The following PLEKHF2 variants were observed in gnomAD, a reference collection of about 807,000 sequenced individuals.
PLEKHF2 encodes pleckstrin homology domain-containing family F member 2.
In PLEKHF2, 4 loss-of-function variants were observed where a neutral mutation model predicts 14.7. The ratio of observed to expected loss-of-function variants is 0.27; its 90% CI spans 0.13 to 0.62. PLEKHF2 has a LOEUF of 0.62. Ranked by LOEUF, PLEKHF2 falls within the 20% of genes least tolerant of loss-of-function variation. The pLI is 0.85. For synonymous variants in PLEKHF2, 90 were observed against 103.5 expected (o/e 0.87, Z 0.79); for missense variants, 201 against 307.7 (o/e 0.65, Z 2.60).
chr8:95,154,037 A>C lies in PLEKHF2; in HGVS notation c.-8A>C, dbSNP rs754445472. 2 of 1,543,228 alleles carry C rather than the reference A, an allele frequency of 1.3e-6. No homozygotes were observed. The highest frequency in any genetic ancestry group is 1.7e-6 in the Non-Finnish European group (2 of 1,146,202). ...TTTTTCTTTTTTTTAAAAGGCTATT[A>C]GTGAAAGATGGTGGATCGCTTGGCA... On this transcript the variant is annotated 5_prime_UTR_variant, in exon 2 of 2. Transcript: ENST00000315367. This position sits in a 1 kb window ranked among gnomAD's most constrained non-coding sequence, Gnocchi z 5.6.
In PLEKHF2 at chr8:95,155,027, T is replaced by C. The variant is rs1810601596; in HGVS notation, c.*233T>C. On this transcript the variant is annotated 3_prime_UTR_variant, in exon 2 of 2. Transcript: ENST00000315367. ...GCAAATATATCAGATAAATTTTTTG[T>C]TTCTTGTTTATTTTTAGGTTATTTT... 8.1e-6 allele frequency: 4 copies of C among 495,550 alleles called. No individual in the cohort carries two copies. In the South Asian group the frequency reaches 1.3e-4, roughly 16 times the overall value. 30.7% of individuals were successfully genotyped at this position (495,550 alleles called of 1,614,324 possible).
rs756082223 is a variant in PLEKHF2, at chr8:95,154,590, C to T, written c.546C>T (p.Val182=). 5 of 1,614,090 alleles carry T rather than the reference C, an allele frequency of 3.1e-6. No homozygotes were observed. The highest frequency in any genetic ancestry group is 4.2e-6 in the Non-Finnish European group (5 of 1,179,996). ...ATTGCCGCAAATGTGGTTTTGTTGT[C>T]TGTGGGCCCTGCTCTGAAAAGAGAT... ...RHHCRKCGFV[V]CGPCSEKRFL... is the part of the protein sequence containing the mutation. The change falls in exon 2 of 2, where the codon GTC becomes GTT. Residue 182 remains valine, a synonymous_variant. Coordinates refer to ENST00000315367, the MANE Select transcript of PLEKHF2 (RefSeq NM_024613.4). This position sits in a 1 kb window ranked among gnomAD's most constrained non-coding sequence, Gnocchi z 5.6.
intron 1 of PLEKHF2, among the ~76,000 whole-genome samples, chr8:95,144,026 A>C (rs1355696834): frequency 6.7e-6 from 1 of 149,404 alleles, no homozygotes; most frequent in Non-Finnish European, 1.5e-5. Context: ...TGTGTGTGTG[A>C]TTTTTTTTTT....
chr8:95,155,516 A>G lies in PLEKHF2; in HGVS notation c.*722A>G, dbSNP rs1810609233. 6.0e-6 allele frequency: 1 copy of G among 167,036 alleles called. No individual in the cohort carries two copies. The highest frequency in any genetic ancestry group is 1.5e-5 in the Non-Finnish European group (1 of 68,116). 10.3% of individuals were successfully genotyped at this position (167,036 alleles called of 1,614,324 possible). ...TTGTGATTATATTTTTGTTTTATAT[A>G]GGTCCCAAATTATAATTGTCAAATA... is the stretch of plus-strand genomic sequence containing the variant. On this transcript the variant is annotated 3_prime_UTR_variant, in exon 2 of 2. Transcript: ENST00000315367.
At chr8:95,140,932 G>A (rs936620919) in intron 1 of PLEKHF2, among the ~76,000 whole-genome samples, 2 of 152,026 alleles carry the variant, frequency 1.3e-5, no homozygotes, top group Non-Finnish European at 2.9e-5. Context: ...CCCCTTCCTT[G>A]TTTTGTTTTT....
chr8:95,147,878 C>A (rs1810516183), intron 1 of PLEKHF2, among the ~76,000 whole-genome samples: 1 of 151,714 alleles, frequency 6.6e-6, no homozygotes, highest in Non-Finnish European at 1.5e-5. Flanking sequence ...AGAAAAAAGG[C>A]AAAGGAAGAC....
At chr8:95,144,575 TA>T (rs1012777303) in intron 1 of PLEKHF2, among the ~76,000 whole-genome samples, 2 of 151,762 alleles carry the variant, frequency 1.3e-5, no homozygotes, top group African/African-American at 2.4e-5. Context: ...AATATGCATT[TA>T]AAAAAAATGG....
intron 1 of PLEKHF2, among the ~76,000 whole-genome samples, chr8:95,145,146 A>G (rs1396242832): frequency 1.3e-5 from 2 of 152,158 alleles, no homozygotes; most frequent in African/African-American, 2.4e-5. Context: ...AGAGATTTAA[A>G]GGAAAAAAAA....
intron 1 of PLEKHF2, among the ~76,000 whole-genome samples, chr8:95,136,595 G>A (rs1810378966): frequency 6.6e-6 from 1 of 152,152 alleles, no homozygotes; most frequent in Non-Finnish European, 1.5e-5. Flanking sequence ...GTTAATGCTT[G>A]AAAAATTTAA....
At chr8:95,147,659 A>G (rs1810513401) in intron 1 of PLEKHF2, among the ~76,000 whole-genome samples, 2 of 151,980 alleles carry the variant, frequency 1.3e-5, no homozygotes, top group Non-Finnish European at 2.9e-5. Context: ...ATTTCCCCCA[A>G]TTATGCCAAA....
intron 1 of PLEKHF2, among the ~76,000 whole-genome samples, chr8:95,147,288 C>G (rs902582378): frequency 6.6e-6 from 1 of 151,978 alleles, no homozygotes; most frequent in Non-Finnish European, 1.5e-5. Context: ...ATACCCCAGA[C>G]CAATAAAATT....
intron 1 of PLEKHF2, among the ~76,000 whole-genome samples, chr8:95,145,615 G>A (rs1340306560): frequency 1.3e-5 from 2 of 151,864 alleles, no homozygotes; most frequent in East Asian, 1.9e-4. Flanking sequence ...TAGTAGAGAC[G>A]GGGTTTCACC....
intron 1 of PLEKHF2, among the ~76,000 whole-genome samples, chr8:95,144,130 G>A (rs897651959): frequency 1.3e-5 from 2 of 152,032 alleles, no homozygotes; most frequent in African/African-American, 4.8e-5. Context: ...ACCCAGGGAA[G>A]CCAAAAGATG....
chr8:95,156,191 T>C lies in PLEKHF2; in HGVS notation c.*1397T>C, dbSNP rs924060868. On this transcript the variant is annotated 3_prime_UTR_variant, in exon 2 of 2. Coordinates refer to ENST00000315367, the MANE Select transcript of PLEKHF2 (RefSeq NM_024613.4). Reference sequence around the variant, plus strand: ...GCAAACAACTACAGTCTTTGAAATATGGAAAATCAGCAGTCTAAAGTTTGT... The same window carrying C: ...GCAAACAACTACAGTCTTTGAAATACGGAAAATCAGCAGTCTAAAGTTTGT... 2.4e-5 allele frequency: 4 copies of C among 167,056 alleles called. No homozygotes were observed. The highest frequency in any genetic ancestry group is 7.2e-5 in the African/African-American group (3 of 41,458). The allele number at this position is 167,056 out of a possible 1,614,324, so 10.3% of individuals were successfully genotyped here. A position where few individuals can be genotyped will look rare whatever the true frequency, so the allele number is the denominator to read the frequency against.
Position 95,154,481 on chromosome 8 carries a change from C to T in PLEKHF2, c.437C>T (p.Ala146Val). The T allele has an allele frequency of 6.2e-7, 1 of 1,614,080 alleles. No individual in the cohort carries two copies. Among genetic ancestry groups the T allele is most frequent in the Non-Finnish European group, 8.5e-7 (1 of 1,179,930 alleles). ...KSGKTPSNEH[A>V]AVWVPDSEAT... ...GGGAAGACACCCAGTAATGAACATG[C>T]TGCTGTCTGGGTTCCTGACTCTGAG... is the stretch of plus-strand genomic sequence containing the variant. The change falls in exon 2 of 2, where the codon GCT becomes GTT. Residue 146 changes from alanine to valine, a missense_variant. Transcript: ENST00000315367. This position sits in a 1 kb window ranked among gnomAD's most constrained non-coding sequence, Gnocchi z 5.6.
At chr8:95,140,636 T>C (rs72664625) in intron 1 of PLEKHF2, among the ~76,000 whole-genome samples, 330 of 152,306 alleles carry the variant, frequency 2.2e-3, no homozygotes, top group Non-Finnish European at 4.0e-3. Flanking sequence ...TTGTGTACCA[T>C]CATCCATCCC....
intron 1 of PLEKHF2, among the ~76,000 whole-genome samples, chr8:95,139,359 AT>A (rs1810415163): frequency 1.3e-5 from 2 of 152,188 alleles, no homozygotes; most frequent in Non-Finnish European, 2.9e-5. Context: ...ATACACAAAA[AT>A]TAGTTGGGCA....
At chr8:95,135,855 A>T (rs1241057972) in intron 1 of PLEKHF2, among the ~76,000 whole-genome samples, 1 of 152,106 alleles carries the variant, frequency 6.6e-6, no homozygotes, top group East Asian at 1.9e-4. Context: ...GTTTGCTCTT[A>T]TCACTGCTCT....
intron 1 of PLEKHF2, among the ~76,000 whole-genome samples, chr8:95,144,237 T>C (rs1563882631): frequency 3.3e-5 from 5 of 152,228 alleles, no homozygotes. Context: ...AAGATGTTTT[T>C]AAACCTCCAG....
Sources: allele counts gnomAD v4.1 joint callset (sites outside exome capture counted in the v4.1 genomes callset), GRCh38; gene constraint gnomAD v4.1.1; non-coding constraint Gnocchi (gnomAD v3.1); transcripts MANE v1.5; gene names NCBI Gene and HGNC (gene_info 2026-07-23, HGNC 2026-07-21).